SMPD3: variants seen among roughly 807,000 people sequenced by gnomAD.
The protein encoded by SMPD3 is nSMase-2.
SMPD3 carries 21 observed loss-of-function variants against 55.7 expected under a neutral mutation model. The ratio of observed to expected loss-of-function variants is 0.38; its 90% CI spans 0.27 to 0.54. The LOEUF (loss-of-function observed/expected upper bound fraction) is 0.54. Ranked by LOEUF, SMPD3 falls within the 20% of genes least tolerant of loss-of-function variation. SMPD3 has a pLI of 0.80. For missense variants in SMPD3, 842 were observed against 899.6 expected, an observed-to-expected ratio of 0.94 and a Z score of 0.82; for synonymous variants, 457 against 404.3, an observed-to-expected ratio of 1.13 and a Z score of -1.56.
intron 1 of SMPD3, among the ~76,000 whole-genome samples, chr16:68,412,925 C>T (rs1293226831): frequency 2.6e-5 from 4 of 152,212 alleles, no homozygotes; most frequent in Non-Finnish European, 5.9e-5. Flanking sequence ...CTGCTACATA[C>T]ACACCATCTT....
At chr16:68,362,677 C>T (rs2089344949) in intron 7 of SMPD3, among the ~76,000 whole-genome samples, 1 of 152,222 alleles carries the variant, frequency 6.6e-6, no homozygotes, top group Non-Finnish European at 1.5e-5. Context: ...CATGGGCTTC[C>T]ACAAGGTTTT....
chr16:68,379,830 GC>G (rs1266953562), intron 2 of SMPD3, among the ~76,000 whole-genome samples: 2 of 152,242 alleles, frequency 1.3e-5, no homozygotes, highest in Non-Finnish European at 2.9e-5. Flanking sequence ...CAACCAGCCA[GC>G]CTCGGCATTT....
intron 1 of SMPD3, among the ~76,000 whole-genome samples, chr16:68,416,571 C>T (rs1232499855): frequency 8.5e-5 from 13 of 152,240 alleles, no homozygotes; most frequent in Admixed American, 8.5e-4. Flanking sequence ...CTTATTCTGC[C>T]TCGTCCTTGT....
intron 1 of SMPD3, among the ~76,000 whole-genome samples, chr16:68,443,952 G>A (rs551260756): frequency 1.2e-3 from 184 of 152,306 alleles, no homozygotes; most frequent in Non-Finnish European, 1.9e-3. Context: ...CACCTTGAAA[G>A]TGGGAATTAT....
In SMPD3 at chr16:68,371,146, C is replaced by A; in HGVS notation, c.1036G>T (p.Asp346Tyr). 1 of 1,613,754 alleles carries A rather than the reference C, an allele frequency of 6.2e-7. No homozygotes were observed. The highest frequency in any genetic ancestry group is 1.1e-5 in the South Asian group (1 of 91,070). ...GGGAAGAAGGCGGAGACCTCATGGT[C>A]GAAGGCCTCGTCGGGGTGCCGCCTC... ...RRRRHPDEAF[D>Y]HEVSAFFPAN... Residue 346 changes from aspartate to tyrosine, a missense_variant, in exon 3 of 9, where the codon GAC becomes TAC. Asp to Tyr is a radical substitution (Grantham distance 160). Coordinates refer to ENST00000219334, the MANE Select transcript of SMPD3 (RefSeq NM_018667.4).
chr16:68,372,841 C>T (rs1041247513), intron 2 of SMPD3, among the ~76,000 whole-genome samples: 2 of 152,174 alleles, frequency 1.3e-5, no homozygotes, highest in Non-Finnish European at 2.9e-5. Context: ...AACATGGCCA[C>T]TTGTCATGGA....
chr16:68,447,012 G>A lies in SMPD3; in HGVS notation c.-269+1341C>T, dbSNP rs1412252373. 1.3e-5 allele frequency among the ~76,000 whole-genome samples: 2 copies of A among 152,136 alleles called. No homozygotes were observed. The highest frequency in any genetic ancestry group is 6.5e-5 in the Admixed American group (1 of 15,284). On this transcript the variant is annotated intron_variant, in intron 1 of 8. Transcript: ENST00000219334. This position sits in a 1 kb window ranked among gnomAD's most constrained non-coding sequence, Gnocchi z 5.1. ...CCCGGCTCGCGCGGGCCCGCTAGAA[G>A]CCGGTGCGCTTTGTCTCCCGCCCCG...
Position 68,408,034 on chromosome 16 carries a change from C to G in SMPD3, c.-268-21375G>C, listed in dbSNP as rs911857884. Among the ~76,000 whole-genome samples the G allele has an allele frequency of 7.4e-4, 113 of 152,040 alleles. 3 individuals are homozygous for G. The highest frequency in any genetic ancestry group is 7.3e-3 in the Admixed American group (112 of 15,264). ...ATTGGAACCCAGGCAGAAAAGAATA[C>G]AAATTTTCTAACCACCAATGGCTAA... On this transcript the variant is annotated intron_variant, in intron 1 of 8. Coordinates refer to ENST00000219334, the MANE Select transcript of SMPD3 (RefSeq NM_018667.4).
chr16:68,401,962 C>G (rs147727611), intron 1 of SMPD3, among the ~76,000 whole-genome samples: 1 of 152,248 alleles, frequency 6.6e-6, no homozygotes, highest in East Asian at 1.9e-4. Context: ...TCTCTGAAAA[C>G]TCACAGAGGC....
At chr16:68,433,592 C>T (rs531587903) in intron 1 of SMPD3, among the ~76,000 whole-genome samples, 1 of 152,210 alleles carries the variant, frequency 6.6e-6, no homozygotes, top group African/African-American at 2.4e-5. Flanking sequence ...CACGTTGGAG[C>T]TGCCAGTGGA....
chr16:68,375,592 G>A (rs1248808483), intron 2 of SMPD3, among the ~76,000 whole-genome samples: 2 of 152,150 alleles, frequency 1.3e-5, no homozygotes, highest in East Asian at 3.9e-4. Flanking sequence ...TCTGCTATTG[G>A]CTGAGATGGG....
At chr16:68,385,935 A>ATT (rs56135170) in intron 2 of SMPD3, among the ~76,000 whole-genome samples, 259 of 152,212 alleles carry the variant, frequency 1.7e-3, no homozygotes, top group African/African-American at 5.9e-3. Context: ...AAAAAATGTG[A>ATT]TTTTTGGCTG....
chr16:68,416,186 G>A (rs2090337521), intron 1 of SMPD3, among the ~76,000 whole-genome samples: 1 of 152,222 alleles, frequency 6.6e-6, no homozygotes, highest in South Asian at 2.1e-4. Context: ...CCGTAATCAG[G>A]TGTGTGCCAG....
At chr16:68,405,563 A>AAG (rs1555593959) in intron 1 of SMPD3, among the ~76,000 whole-genome samples, 109 of 150,624 alleles carry the variant, frequency 7.2e-4, no homozygotes, top group African/African-American at 2.7e-3. Context: ...AAAAAAAAAA[A>AAG]AAAAGAAAAG....
At chr16:68,397,205 G>C (rs1464371906) in intron 1 of SMPD3, among the ~76,000 whole-genome samples, 1 of 152,202 alleles carries the variant, frequency 6.6e-6, no homozygotes, top group Non-Finnish European at 1.5e-5. Flanking sequence ...CCATAGGTAA[G>C]GGAGGAACAC....
At chr16:68,395,284 G>A (rs756401166) in intron 1 of SMPD3, among the ~76,000 whole-genome samples, 3 of 152,136 alleles carry the variant, frequency 2.0e-5, no homozygotes, top group African/African-American at 4.8e-5. Flanking sequence ...TAATCTGGTC[G>A]AGAGGAAGGC....
chr16:68,392,632 TAGG>T (rs923872484), intron 1 of SMPD3, among the ~76,000 whole-genome samples: 3 of 151,510 alleles, frequency 2.0e-5, no homozygotes, highest in African/African-American at 4.9e-5. Flanking sequence ...GAGGCCAAGG[TAGG>T]AGGATCACCT....
chr16:68,369,432 C>A (rs2151980324), intron 3 of SMPD3: 1 of 132,538 alleles, frequency 7.5e-6, no homozygotes, highest in South Asian at 2.7e-4. Context: ...GTGGATTGAT[C>A]TGTGCAGAAG....
Position 68,363,888 on chromosome 16 carries a change from G to A in SMPD3, c.1556-22C>T, listed in dbSNP as rs555176247. 39 of 1,546,816 alleles carry A rather than the reference G, an allele frequency of 2.5e-5. No individual in the cohort carries two copies. The Admixed American group carries it at 3.9e-4, about 15-fold the overall frequency. On this transcript the variant is annotated intron_variant, in intron 5 of 8. Transcript: ENST00000219334. The stretch of plus-strand genomic sequence containing the variant: ...TCGTCTGTGCGGGGAGGGAGGAAAC[G>A]CTGAGGCACCAGGGGGCTTTGCTGT...
Sources: gnomAD v4.1 joint callset for allele counts (sites outside exome capture counted in the v4.1 genomes callset) on GRCh38, gnomAD v4.1.1 for gene constraint, Gnocchi (gnomAD v3.1) non-coding constraint, MANE v1.5 for transcripts, NCBI Gene and HGNC (gene_info 2026-07-23, HGNC 2026-07-21) for gene names.